RCOR1: variants seen among roughly 807,000 people sequenced by gnomAD.
The protein encoded by RCOR1 is REST corepressor 1, also known as REST corepressor.
RCOR1 carries 12 observed loss-of-function variants against 64.0 expected under a neutral mutation model. The ratio of observed to expected loss-of-function variants is 0.19; its 90% CI spans 0.12 to 0.30. The LOEUF (loss-of-function observed/expected upper bound fraction) is 0.30. Among genes scored for constraint, RCOR1 ranks in the 10% least tolerant of loss-of-function variants. The pLI is 1.00. For missense variants in RCOR1, 502 were observed against 621.2 expected (o/e 0.81, Z 2.04); for synonymous variants, 279 against 227.2 (o/e 1.23, Z -2.05).
At chr14:102,657,255 G>A (rs1402125457) in intron 2 of RCOR1, 1 of 985,190 alleles carries the variant, frequency 1.0e-6, no homozygotes, top group Non-Finnish European at 1.2e-6. Context: ...CATAGATTTA[G>A]GATTTCCCAC....
chr14:102,714,339 T>A (rs1193133432), intron 7 of RCOR1, 84 bp from the exon 8 acceptor site: 1 of 847,374 alleles, frequency 1.2e-6, no homozygotes, highest in Non-Finnish European at 1.8e-6. Flanking sequence ...ATTGTTTTGG[T>A]GCCATGTTAA....
intron 2 of RCOR1, among the ~76,000 whole-genome samples, chr14:102,639,503 TTA>T (rs1894319196): frequency 1.2e-5 from 1 of 85,146 alleles, no homozygotes; most frequent in African/African-American, 5.2e-5. Flanking sequence ...TAATTTTTAT[TTA>T]TTTATTTATT....
chr14:102,692,436 AGTT>A (rs1436095812), intron 3 of RCOR1, among the ~76,000 whole-genome samples: 1 of 116,490 alleles, frequency 8.6e-6, no homozygotes, highest in Non-Finnish European at 1.8e-5. Flanking sequence ...TTCAGGAAAA[AGTT>A]AACACACACA....
intron 8 of RCOR1, among the ~76,000 whole-genome samples, chr14:102,715,072 A>AT (rs111566083): frequency 0.044 from 6,129 of 140,616 alleles, 222 homozygotes; most frequent in African/African-American, 0.095. Flanking sequence ...CACTATTCTG[A>AT]TTTTTTTTTT....
Position 102,695,711 on chromosome 14 carries a change from A to ATTT in RCOR1, c.446-5550_446-5548dup, listed in dbSNP as rs765805364. ...CAGGCATGAGCCACCATGCCCTGCT[A>ATTT]TTTTTTTTTTTTTTTTTTTAGTAGA... On this transcript the variant is annotated intron_variant, in intron 3 of 11. Coordinates refer to ENST00000262241, the MANE Select transcript of RCOR1 (RefSeq NM_015156.4). 8.2e-4 allele frequency among the ~76,000 whole-genome samples: 101 copies of ATTT among 123,156 alleles called. 1 individual carries two copies. The highest frequency in any genetic ancestry group is 2.8e-3 in the African/African-American group (94 of 33,872). 80.8% of individuals were successfully genotyped at this position (123,156 alleles called of 152,430 possible).
At chr14:102,656,816 C>T (rs1894736573) in intron 2 of RCOR1, among the ~76,000 whole-genome samples, 1 of 150,642 alleles carries the variant, frequency 6.6e-6, no homozygotes, top group Non-Finnish European at 1.5e-5. Flanking sequence ...CACTCTGTCG[C>T]CCAGGGTGTA....
chr14:102,639,550 T>C (rs924812314), intron 2 of RCOR1, among the ~76,000 whole-genome samples: 1 of 137,664 alleles, frequency 7.3e-6, no homozygotes, highest in African/African-American at 2.7e-5. Context: ...TATTTATTTA[T>C]TGAGATGGAG....
chr14:102,618,900 G>C (rs1041439398), intron 2 of RCOR1, among the ~76,000 whole-genome samples: 2 of 152,096 alleles, frequency 1.3e-5, no homozygotes, highest in Admixed American at 6.6e-5. Flanking sequence ...GGCAAGTGAA[G>C]GAAAGACATT....
intron 11 of RCOR1, among the ~76,000 whole-genome samples, chr14:102,723,079 C>T (rs1339031851): frequency 6.6e-6 from 1 of 152,210 alleles, no homozygotes; most frequent in Non-Finnish European, 1.5e-5. Context: ...ACATTTGTCC[C>T]TCTATTCCCA....
At chr14:102,693,692 A>G (rs1178682328) in intron 3 of RCOR1, among the ~76,000 whole-genome samples, 1 of 152,192 alleles carries the variant, frequency 6.6e-6, no homozygotes. Flanking sequence ...TTCATCTTTA[A>G]TGGACAGAAT....
At position 102,639,264 on chromosome 14, in the gene RCOR1, C is replaced by CT. The variant is rs11306200; in HGVS notation, c.362-42613dup. On this transcript the variant is annotated intron_variant, in intron 2 of 11. Coordinates refer to ENST00000262241, the MANE Select transcript of RCOR1 (RefSeq NM_015156.4). ...CAACTACTCTTTGTTTTCTTTCTTT[C>CT]TTTTTTTTTTTTTTTTTTGAGACAA... Among the ~76,000 whole-genome samples the CT allele has an allele frequency of 2.8e-3, 350 of 125,548 alleles. 2 individuals carry two copies. Among genetic ancestry groups the CT allele is most frequent in the East Asian group, 5.7e-3 (26 of 4,524 alleles). The allele number at this position is 125,548 out of a possible 152,430, so 82.4% of individuals were successfully genotyped here.
chr14:102,693,666 A>G (rs770504259), intron 3 of RCOR1, among the ~76,000 whole-genome samples: 2 of 152,204 alleles, frequency 1.3e-5, no homozygotes, highest in Non-Finnish European at 2.9e-5. Flanking sequence ...CAGCCTTCCT[A>G]TAACACAGAC....
At chr14:102,708,877 A>G (rs1895908002) in intron 6 of RCOR1, among the ~76,000 whole-genome samples, 1 of 151,894 alleles carries the variant, frequency 6.6e-6, no homozygotes, top group African/African-American at 2.4e-5. Flanking sequence ...TTGTAGTTTG[A>G]GGTTTAACGT....
intron 2 of RCOR1, among the ~76,000 whole-genome samples, chr14:102,619,284 C>G (rs1358403902): frequency 6.6e-6 from 1 of 152,076 alleles, no homozygotes; most frequent in Admixed American, 6.6e-5. Context: ...ACACGCCCAG[C>G]TAACTTTTTA....
intron 2 of RCOR1, among the ~76,000 whole-genome samples, chr14:102,636,405 G>C (rs1465675221): frequency 2.6e-5 from 4 of 151,736 alleles, no homozygotes; most frequent in African/African-American, 9.7e-5. Flanking sequence ...AGCCTCCCAA[G>C]TAGCTGGGAT....
chr14:102,722,793 G>A (rs538556606), intron 11 of RCOR1, among the ~76,000 whole-genome samples: 61 of 152,328 alleles, frequency 4.0e-4, no homozygotes, highest in African/African-American at 1.4e-3. Flanking sequence ...ATGAAGCTCC[G>A]TCATCTGCAA....
At chr14:102,621,504 T>C (rs1171920701) in intron 2 of RCOR1, among the ~76,000 whole-genome samples, 1 of 151,620 alleles carries the variant, frequency 6.6e-6, no homozygotes, top group African/African-American at 2.4e-5. Flanking sequence ...GCCTCCAAAG[T>C]GTTTGGATTA....
intron 2 of RCOR1, among the ~76,000 whole-genome samples, chr14:102,642,831 T>C (rs937670847): frequency 6.6e-6 from 1 of 151,650 alleles, no homozygotes; most frequent in African/African-American, 2.4e-5. Context: ...AGTGAGACCC[T>C]GTCTATTAAA....
intron 4 of RCOR1, among the ~76,000 whole-genome samples, chr14:102,705,834 A>G (rs1331662325): frequency 6.6e-6 from 1 of 152,040 alleles, no homozygotes; most frequent in Non-Finnish European, 1.5e-5. Context: ...TAATCAACAA[A>G]ACATAAAAAG....
Sources: gnomAD v4.1 joint callset for allele counts (sites outside exome capture counted in the v4.1 genomes callset) on GRCh38, gnomAD v4.1.1 for gene constraint, MANE v1.5 for transcripts, NCBI Gene and HGNC (gene_info 2026-07-23, HGNC 2026-07-21) for gene names.